The following PPP2R3A variants were observed in gnomAD, a reference collection of about 807,000 sequenced individuals.
PPP2R3A encodes the protein serine/threonine-protein phosphatase 2A regulatory subunit B'' subunit alpha.
In PPP2R3A, 80 loss-of-function variants were observed where a neutral mutation model predicts 106.9. The ratio of observed to expected loss-of-function variants is 0.75; its 90% confidence interval spans 0.62 to 0.90. PPP2R3A has a LOEUF of 0.90. PPP2R3A is among the 40% of genes least tolerant of loss of function. The pLI is 0.00. For synonymous variants in PPP2R3A, 483 were observed against 468.3 expected (o/e 1.03, Z -0.41); for missense variants, 1,386 against 1,350.4 (o/e 1.03, Z -0.41).
At chr3:136,128,353 AAGG>A (rs955010313) in intron 13 of PPP2R3A, among the ~76,000 whole-genome samples, 8 of 151,906 alleles carry the variant, frequency 5.3e-5, no homozygotes, top group Non-Finnish European at 1.2e-4. Flanking sequence ...AAAAAAAAAA[AAGG>A]AGGGGTTGCA....
At chr3:136,035,791 T>C (rs1935064545) in intron 3 of PPP2R3A, among the ~76,000 whole-genome samples, 1 of 152,232 alleles carries the variant, frequency 6.6e-6, no homozygotes, top group South Asian at 2.1e-4. Flanking sequence ...GCTGGGGAAG[T>C]TTTCCTCAAT....
At chr3:136,041,629 G>A (rs1935291693) in intron 4 of PPP2R3A, among the ~76,000 whole-genome samples, 1 of 151,694 alleles carries the variant, frequency 6.6e-6, no homozygotes, top group Non-Finnish European at 1.5e-5. Context: ...CTTTATGGGG[G>A]GCAAATCAGA....
rs1042294723 is a variant in PPP2R3A, at chr3:136,055,599, C to T, written c.2469+6238C>T. On this transcript the variant is annotated intron_variant, in intron 5 of 13. Coordinates refer to ENST00000264977, the MANE Select transcript of PPP2R3A (RefSeq NM_002718.5). ...CTTTCTCTGCAGTACTGTATCCACA[C>T]GAGCCAACTGCTGTATTTAACACCT... The T allele has an allele frequency of 1.1e-5, 15 of 1,401,022 alleles. No individual in the cohort carries two copies. In the African/African-American group the frequency reaches 1.4e-4, roughly 13 times the overall value. The allele number at this position is 1,401,022 out of a possible 1,614,324, so 86.8% of individuals were successfully genotyped here. A position where few individuals can be genotyped will look rare whatever the true frequency, so the allele number is the denominator to read the frequency against.
chr3:136,073,480 T>C (rs896309016), intron 6 of PPP2R3A, among the ~76,000 whole-genome samples: 1 of 152,266 alleles, frequency 6.6e-6, no homozygotes, highest in East Asian at 1.9e-4. Context: ...CACTTTGTTA[T>C]TAACATTGTG....
In PPP2R3A at chr3:136,030,765, T is replaced by G. The variant is rs1341929895; in HGVS notation, c.2262+3667T>G. On this transcript the variant is annotated intron_variant, in intron 3 of 13. Transcript: ENST00000264977. ...TGGCTGAGTAGTATTCCATCACATA[T>G]ATATATATATATATATGTATGTATG... 1.7e-5 allele frequency among the ~76,000 whole-genome samples: 2 copies of G among 114,788 alleles called. 1 individual carries two copies. Among genetic ancestry groups the G allele is most frequent in the South Asian group, 5.6e-4 (2 of 3,598 alleles). The allele number at this position is 114,788 out of a possible 152,430, so 75.3% of individuals were successfully genotyped here. A position where few individuals can be genotyped will look rare whatever the true frequency, so the allele number is the denominator to read the frequency against.
chr3:135,980,487 G>A (rs1937527815), intron 1 of PPP2R3A, among the ~76,000 whole-genome samples: 4 of 151,424 alleles, frequency 2.6e-5, no homozygotes, highest in Admixed American at 2.6e-4. Context: ...AGAAAAGGAA[G>A]GTTAAATTAG....
chr3:136,040,147 T>C (rs1351761319), intron 3 of PPP2R3A, among the ~76,000 whole-genome samples: 1 of 152,240 alleles, frequency 6.6e-6, no homozygotes, highest in Non-Finnish European at 1.5e-5. Flanking sequence ...AGTGGAATAT[T>C]AACACGAAGT....
rs187299733 is a variant in PPP2R3A, at chr3:136,140,519, C to T, written c.3330-4524C>T. On this transcript the variant is annotated intron_variant, in intron 13 of 13. Transcript: ENST00000264977. ...ATGTCAGCACTTTGGGAGACCGAGG[C>T]GGGCGGATCACCTGAGGTCGGGAGT... is the stretch of plus-strand genomic sequence containing the variant. 4.1e-4 allele frequency among the ~76,000 whole-genome samples: 62 copies of T among 149,918 alleles called. No homozygotes were observed. The East Asian group carries it at 0.011, about 26-fold the overall frequency.
intron 13 of PPP2R3A, among the ~76,000 whole-genome samples, chr3:136,130,438 A>T (rs566651411): frequency 6.6e-6 from 1 of 152,320 alleles, no homozygotes; most frequent in African/African-American, 2.4e-5. Context: ...AATACCTAGG[A>T]ATCCCACTTA....
intron 1 of PPP2R3A, among the ~76,000 whole-genome samples, chr3:135,989,484 T>C (rs1933065549): frequency 1.3e-5 from 2 of 151,760 alleles, no homozygotes; most frequent in South Asian, 4.2e-4. Context: ...ACTTCATTTA[T>C]AGTGTGTGTT....
At chr3:136,035,917 A>G (rs1935069897) in intron 3 of PPP2R3A, among the ~76,000 whole-genome samples, 1 of 149,548 alleles carries the variant, frequency 6.7e-6, no homozygotes, top group Non-Finnish European at 1.5e-5. Flanking sequence ...CTTTGTTCAT[A>G]TTTTCTTTTT....
intron 6 of PPP2R3A, among the ~76,000 whole-genome samples, chr3:136,074,676 A>G (rs1025575175): frequency 7.9e-5 from 12 of 152,190 alleles, no homozygotes; most frequent in Non-Finnish European, 1.0e-4. Context: ...GCTTGCTCCA[A>G]TGGTGTGTCT....
chr3:136,098,307 G>A (rs1367949031), intron 10 of PPP2R3A, among the ~76,000 whole-genome samples: 1 of 152,074 alleles, frequency 6.6e-6, no homozygotes, highest in East Asian at 1.9e-4. Context: ...CAGAATGAGA[G>A]CCTATCTCAA....
chr3:135,997,071 A>G (rs1211102980), intron 1 of PPP2R3A, among the ~76,000 whole-genome samples: 1 of 152,152 alleles, frequency 6.6e-6, no homozygotes, highest in Non-Finnish European at 1.5e-5. Context: ...TTTCCCTTCA[A>G]CATGTACACA....
At chr3:136,121,911 C>T (rs1032291981) in intron 13 of PPP2R3A, among the ~76,000 whole-genome samples, 2 of 151,934 alleles carry the variant, frequency 1.3e-5, no homozygotes, top group Non-Finnish European at 2.9e-5. Context: ...CCCAATGTTC[C>T]CTTCCAATGC....
chr3:136,047,874 C>T (rs978434576), intron 4 of PPP2R3A, among the ~76,000 whole-genome samples: 20 of 150,982 alleles, frequency 1.3e-4, no homozygotes, highest in African/African-American at 4.9e-4. Flanking sequence ...CACTGCACTC[C>T]AGCGTAGGCA....
chr3:136,036,145 T>TGCCAAA (rs1935078114), intron 3 of PPP2R3A, among the ~76,000 whole-genome samples: 1 of 152,178 alleles, frequency 6.6e-6, no homozygotes, highest in Admixed American at 6.5e-5. Flanking sequence ...TGGATTTCCT[T>TGCCAAA]ACATTGGGCT....
At chr3:135,991,382 A>G (rs1384991926) in intron 1 of PPP2R3A, among the ~76,000 whole-genome samples, 1 of 147,474 alleles carries the variant, frequency 6.8e-6, no homozygotes, top group Non-Finnish European at 1.5e-5. Context: ...AATTGTGTGA[A>G]TTAAAGTAAC....
intron 13 of PPP2R3A, among the ~76,000 whole-genome samples, chr3:136,133,624 A>G (rs1938501838): frequency 6.6e-6 from 1 of 152,094 alleles, no homozygotes; most frequent in African/African-American, 2.4e-5. Context: ...CTAGAAATCT[A>G]CCTAAGAGAA....
Sources: allele counts gnomAD v4.1 joint callset (sites outside exome capture counted in the v4.1 genomes callset), GRCh38; gene constraint gnomAD v4.1.1; transcripts MANE v1.5; gene names NCBI Gene and HGNC (gene_info 2026-07-23, HGNC 2026-07-21).